Variants in CLASP1 observed in about 807,000 individuals in gnomAD.
CLASP1 encodes cytoplasmic linker associated protein 1, also known as CLIP-associating protein 1.
A neutral mutation model predicts 192.3 loss-of-function variants in CLASP1; 38 were observed. The ratio of observed to expected loss-of-function variants is 0.20; its 90% CI spans 0.15 to 0.26. The LOEUF (loss-of-function observed/expected upper bound fraction) is 0.26. CLASP1 is among the 10% of genes least tolerant of loss of function. CLASP1 has a pLI of 1.00. For synonymous variants in CLASP1, 691 were observed against 712.8 expected (o/e 0.97, Z 0.49); for missense variants, 1,433 against 1,932.5 (o/e 0.74, Z 4.85).
chr2:121,479,100 G>A (rs2092374623), intron 8 of CLASP1, among the ~76,000 whole-genome samples: 1 of 113,250 alleles, frequency 8.8e-6, no homozygotes, highest in South Asian at 2.8e-4. Flanking sequence ...TGAAAGACCG[G>A]ATGCTTTCCC....
intron 19 of CLASP1, among the ~76,000 whole-genome samples, chr2:121,434,230 T>C (rs1574778449): frequency 6.6e-6 from 1 of 152,194 alleles, no homozygotes; most frequent in South Asian, 2.1e-4. Context: ...AAAGCTGTCA[T>C]AGGTTTATCT....
At chr2:121,530,355 G>A (rs1250457923) in intron 2 of CLASP1, 30 bp from the exon 3 acceptor site, 2 of 1,529,922 alleles carry the variant, frequency 1.3e-6, no homozygotes, top group South Asian at 1.2e-5. Context: ...GAGCCTGTTA[G>A]CAGCCGGCCT....
chr2:121,518,157 G>T (rs545467334), intron 6 of CLASP1, among the ~76,000 whole-genome samples: 46 of 149,762 alleles, frequency 3.1e-4, no homozygotes, highest in African/African-American at 1.1e-3. Context: ...CTTAAACCCG[G>T]GAGGCAGAGG....
chr2:121,507,512 G>C (rs769638998), intron 7 of CLASP1, among the ~76,000 whole-genome samples: 3 of 152,130 alleles, frequency 2.0e-5, no homozygotes, highest in Non-Finnish European at 4.4e-5. Context: ...AAGAAAAGGA[G>C]ATACGGTACT....
chr2:121,534,291 A>G (rs935997974), intron 2 of CLASP1, among the ~76,000 whole-genome samples: 11 of 152,200 alleles, frequency 7.2e-5, no homozygotes, highest in Non-Finnish European at 2.9e-5. Flanking sequence ...GGAAACCCAA[A>G]TGGCTAGACT....
intron 1 of CLASP1, among the ~76,000 whole-genome samples, chr2:121,612,168 T>G (rs1162351375): frequency 1.0e-5 from 1 of 95,822 alleles, no homozygotes; most frequent in Non-Finnish European, 2.2e-5. Flanking sequence ...TGGAGGAGTT[T>G]CAGGAGGAAG....
chr2:121,612,405 G>T (rs2065765033), intron 1 of CLASP1, among the ~76,000 whole-genome samples: 1 of 151,744 alleles, frequency 6.6e-6, no homozygotes, highest in Admixed American at 6.6e-5. Flanking sequence ...AGGAGTTGGA[G>T]GAGGAGGATT....
intron 19 of CLASP1, among the ~76,000 whole-genome samples, chr2:121,440,489 C>T (rs114721643): frequency 0.033 from 5,058 of 152,236 alleles, 115 homozygotes; most frequent in Middle Eastern, 0.061. Context: ...CACTTGAGTC[C>T]AGGAGTTCGA....
At chr2:121,550,162 A>G (rs1230297896) in intron 2 of CLASP1, among the ~76,000 whole-genome samples, 2 of 152,182 alleles carry the variant, frequency 1.3e-5, no homozygotes, top group Non-Finnish European at 2.9e-5. Context: ...GGGTAAATAA[A>G]GAAATTAAGG....
chr2:121,557,185 C>T (rs940321240), intron 2 of CLASP1, among the ~76,000 whole-genome samples: 1 of 152,230 alleles, frequency 6.6e-6, no homozygotes, highest in South Asian at 2.1e-4. Flanking sequence ...CGTGATAGAA[C>T]TTACTCTTTC....
chr2:121,569,399 A>G (rs139146970), intron 2 of CLASP1, among the ~76,000 whole-genome samples: 211 of 152,380 alleles, frequency 1.4e-3, no homozygotes, highest in Non-Finnish European at 2.6e-3. Flanking sequence ...AGTAAAAGAC[A>G]GCAGGAATGA....
chr2:121,407,093 G>A (rs570515421), intron 25 of CLASP1, among the ~76,000 whole-genome samples: 56 of 152,022 alleles, frequency 3.7e-4, no homozygotes, highest in Non-Finnish European at 6.0e-4. Context: ...GTGTACCCCC[G>A]TAGTCCCAGC....
At chr2:121,586,736 T>C (rs1390130275) in intron 2 of CLASP1, among the ~76,000 whole-genome samples, 1 of 152,100 alleles carries the variant, frequency 6.6e-6, no homozygotes, top group Non-Finnish European at 1.5e-5. Context: ...TGAGCATAAA[T>C]CCTCCTCCTT....
At chr2:121,573,249 C>G (rs540177279) in intron 2 of CLASP1, among the ~76,000 whole-genome samples, 41 of 152,232 alleles carry the variant, frequency 2.7e-4, no homozygotes, top group African/African-American at 9.9e-4. Flanking sequence ...CGTGAGCCAC[C>G]GCGCCCAGCT....
At chr2:121,460,181 C>A in intron 11 of CLASP1, 56 bp from the exon 12 acceptor site, 1 of 1,401,462 alleles carries the variant, frequency 7.1e-7, no homozygotes, top group Non-Finnish European at 9.8e-7. Flanking sequence ...ACAGACTATA[C>A]ACAACAAAAG....
intron 4 of CLASP1, 80 bp from the exon 5 acceptor site, chr2:121,527,970 C>CTTTA (rs2094618707): frequency 8.7e-7 from 1 of 1,147,670 alleles, no homozygotes; most frequent in East Asian, 2.4e-5. Context: ...AGAAGGCAAG[C>CTTTA]CTCTTAACGA....
intron 19 of CLASP1, among the ~76,000 whole-genome samples, chr2:121,436,542 C>T (rs2082346231): frequency 1.3e-5 from 2 of 151,760 alleles, no homozygotes; most frequent in Non-Finnish European, 2.9e-5. Flanking sequence ...TCCCAAGCAG[C>T]TGGGACTACA....
intron 22 of CLASP1, among the ~76,000 whole-genome samples, chr2:121,421,494 C>T (rs764160942): frequency 1.3e-5 from 2 of 152,118 alleles, no homozygotes; most frequent in Non-Finnish European, 1.5e-5. Context: ...GCAATCCACC[C>T]GCCTTAGCCT....
At chr2:121,636,452 T>G (rs955033269) in intron 1 of CLASP1, among the ~76,000 whole-genome samples, 1 of 150,612 alleles carries the variant, frequency 6.6e-6, no homozygotes, top group African/African-American at 2.4e-5. Flanking sequence ...TCACCTGAGG[T>G]CAGGAGTTCG....
Sources: gnomAD v4.1 joint callset for allele counts (sites outside exome capture counted in the v4.1 genomes callset) on GRCh38, gnomAD v4.1.1 for gene constraint, MANE v1.5 for transcripts, NCBI Gene and HGNC (gene_info 2026-07-23, HGNC 2026-07-21) for gene names.